The following GREB1 variants were observed in gnomAD, a reference collection of about 807,000 sequenced individuals.
GREB1 encodes growth regulating estrogen receptor binding 1, also known as protein GREB1.
A neutral mutation model predicts 200.7 loss-of-function variants in GREB1; 106 were observed. That is an observed-to-expected ratio of 0.53 (90% CI 0.45 to 0.62). The LOEUF (loss-of-function observed/expected upper bound fraction) is 0.62, where lower values mean the gene tolerates loss of function less well. Among genes scored for constraint, GREB1 ranks in the 20% least tolerant of loss-of-function variants. GREB1 has a pLI of 0.00. For missense variants in GREB1, 2,243 were observed against 2,556.8 expected, an observed-to-expected ratio of 0.88 and a Z score of 2.65; for synonymous variants, 1,132 against 1,092.4, an observed-to-expected ratio of 1.04 and a Z score of -0.72.
chr2:11,585,081 A>G, intron 7 of GREB1, 80 bp from the exon 8 acceptor site: 1 of 685,534 alleles, frequency 1.5e-6, no homozygotes, highest in Middle Eastern at 2.6e-4. Flanking sequence ...AAAACAGATC[A>G]TTGTTCTCCA....
chr2:11,614,002 C>G (rs928469659), intron 19 of GREB1, among the ~76,000 whole-genome samples: 4 of 152,122 alleles, frequency 2.6e-5, no homozygotes, highest in African/African-American at 9.7e-5. Flanking sequence ...GATAGCATTG[C>G]TTGTTGGTGT....
rs1253695582 is a variant in GREB1, at chr2:11,595,322, G to A, written c.1768G>A (p.Glu590Lys). 1 of 1,613,994 alleles carries A rather than the reference G, an allele frequency of 6.2e-7. No individual in the cohort carries two copies. Among genetic ancestry groups the A allele is most frequent in the Admixed American group, 1.7e-5 (1 of 60,012 alleles). Reference protein sequence around the residue: ...PAEYQKEVNYELVTGKVDSLG... With the variant: ...PAEYQKEVNYKLVTGKVDSLG... ...GGAGTACCAGAAGGAAGTCAATTAC[G>A]AGCTGGTTACGGGGAAGGTAGACTC... The change falls in exon 12 of 33, where the codon GAG (glutamate) becomes AAG (lysine). Residue 590 changes from glutamate to lysine, a missense_variant. This residue lies in a region of GREB1 where 1,178 missense variants were observed against 1,387.4 expected (regional missense o/e 0.85). Transcript: ENST00000381486.
intron 9 of GREB1, chr2:11,588,397 C>A: frequency 3.2e-6 from 2 of 625,752 alleles, no homozygotes; most frequent in Non-Finnish European, 4.7e-6. Context: ...GGTGCTCTGC[C>A]CACAAGGTGT....
rs1685797987 is a variant in GREB1 at position 11,641,435 on chromosome 2, T to G, written c.*981T>G. On this transcript the variant is annotated 3_prime_UTR_variant, in exon 33 of 33. Transcript: ENST00000381486. ...AGAAGGAGGCAGGGAGATGTATTTC[T>G]TAGGGCTCACCCCTTCACAGACTGA... is the stretch of plus-strand genomic sequence containing the variant. The G allele has an allele frequency of 6.6e-6, 1 of 151,786 alleles. No homozygotes were observed. Among genetic ancestry groups the G allele is most frequent in the Non-Finnish European group, 1.5e-5 (1 of 68,102 alleles). 9.4% of individuals were successfully genotyped at this position (151,786 alleles called of 1,614,324 possible).
At chr2:11,559,609 T>C (rs1268572491) in intron 2 of GREB1, among the ~76,000 whole-genome samples, 1 of 152,188 alleles carries the variant, frequency 6.6e-6, no homozygotes, top group African/African-American at 2.4e-5. Context: ...ATTTCACTGA[T>C]AGTTGGCATC....
At chr2:11,587,738 CA>C in intron 9 of GREB1, 3 of 1,197,528 alleles carry the variant, frequency 2.5e-6, no homozygotes, top group Non-Finnish European at 3.1e-6. Context: ...CACACACACA[CA>C]CACGCCACCT....
chr2:11,498,927 A>G (rs549485991), intron 1 of GREB1, among the ~76,000 whole-genome samples: 1 of 152,346 alleles, frequency 6.6e-6, no homozygotes, highest in East Asian at 1.9e-4. Flanking sequence ...TGCAGAGAAC[A>G]TGTGGAACTC....
At chr2:11,584,449 G>A (rs1360489931) in intron 7 of GREB1, among the ~76,000 whole-genome samples, 1 of 152,166 alleles carries the variant, frequency 6.6e-6, no homozygotes, top group African/African-American at 2.4e-5. Context: ...CCAAGCGGTG[G>A]AGCTGTGGTG....
rs371146001 is a variant in GREB1, at chr2:11,610,901, G to A, written c.2880G>A (p.Ala960=). Reference sequence around the variant, plus strand: ...TGCGGGTGCCCTGTTCGCCCCTGGCGGTGGTGGCCTATGAGCGGCTGGCCC... The same window carrying A: ...TGCGGGTGCCCTGTTCGCCCCTGGCAGTGGTGGCCTATGAGCGGCTGGCCC... ...VLLRVPCSPL[A]VVAYERLAHV... Residue 960 remains alanine, a synonymous_variant, in exon 18 of 33, where the codon GCG becomes GCA. Transcript: ENST00000381486. The A allele has an allele frequency of 1.8e-5, 29 of 1,612,882 alleles. No homozygotes were observed. The highest frequency in any genetic ancestry group is 6.7e-5 in the African/African-American group (5 of 74,934).
At chr2:11,604,675 G>T (rs1408590024) in intron 17 of GREB1, among the ~76,000 whole-genome samples, 2 of 152,184 alleles carry the variant, frequency 1.3e-5, no homozygotes, top group African/African-American at 2.4e-5. Flanking sequence ...AGAGTGATTT[G>T]CCCGACTTCA....
At position 11,634,215 on chromosome 2, in the gene GREB1, C is replaced by T. The variant is rs1333360587; in HGVS notation, c.5076C>T (p.Ala1692=). 6.2e-7 allele frequency: 1 copy of T among 1,614,110 alleles called. No individual in the cohort carries two copies. Among genetic ancestry groups the T allele is most frequent in the African/African-American group, 1.3e-5 (1 of 74,948 alleles). Residue 1692 remains alanine (A), a synonymous_variant, in exon 29 of 33, where the codon GCC becomes GCT. Transcript: ENST00000381486. ...CGGCCCCCGACATCATGCACTACGC[C>T]CTGCTGGGCCTGCGGAAGTGGTCCA... ...IEAAPDIMHY[A]LLGLRKWSSK... is the part of the protein sequence containing the mutation.
chr2:11,614,798 T>C lies in GREB1; in HGVS notation c.3123-293T>C, dbSNP rs536550140. ...CAGGATGGTCTCGATCTCCTGACCT[T>C]GTGATCCGCCCGCCTCGGCCTCCCA... On this transcript the variant is annotated intron_variant, in intron 19 of 32. Transcript: ENST00000381486. Among the ~76,000 whole-genome samples, 382 of 151,872 alleles carry C rather than the reference T, an allele frequency of 2.5e-3. 1 individual carries two copies. Among genetic ancestry groups the C allele is most frequent in the Non-Finnish European group, 4.2e-3 (284 of 67,940 alleles).
At chr2:11,520,086 C>T (rs1052857162) in intron 1 of GREB1, among the ~76,000 whole-genome samples, 11 of 152,232 alleles carry the variant, frequency 7.2e-5, no homozygotes, top group South Asian at 4.2e-4. Flanking sequence ...TGCAGTGAGC[C>T]GTGATTGTAC....
intron 1 of GREB1, among the ~76,000 whole-genome samples, chr2:11,513,403 G>A (rs1269029066): frequency 6.6e-6 from 1 of 152,128 alleles, no homozygotes; most frequent in South Asian, 2.1e-4. Context: ...CAGGGTCACG[G>A]TAATTAATTT....
At position 11,597,688 on chromosome 2, in the gene GREB1, C is replaced by T. The variant is rs879135649; in HGVS notation, c.1955-93C>T. On this transcript the variant is annotated intron_variant, in intron 13 of 32. Coordinates refer to ENST00000381486, the MANE Select transcript of GREB1 (RefSeq NM_014668.4). This position sits in a 1 kb window ranked among gnomAD's most constrained non-coding sequence, Gnocchi z 4.1. ...CATCGCTTTGTGAATGGGGCCGTCT[C>T]CCCTGGACAGGTCTCACTGATTCTC... 6 of 1,102,942 alleles carry T rather than the reference C, an allele frequency of 5.4e-6. No individual in the cohort carries two copies. The South Asian group carries it at 7.5e-5, about 14-fold the overall frequency. 68.3% of individuals were successfully genotyped at this position (1,102,942 alleles called of 1,614,324 possible). A position where few individuals can be genotyped will look rare whatever the true frequency, so the allele number is the denominator to read the frequency against.
At chr2:11,504,136 T>A (rs916402956) in intron 1 of GREB1, among the ~76,000 whole-genome samples, 1 of 152,214 alleles carries the variant, frequency 6.6e-6, no homozygotes, top group Non-Finnish European at 1.5e-5. Flanking sequence ...TCTGCTGATA[T>A]GAGAACTGAG....
Position 11,633,761 on chromosome 2 carries a change from GC to G in GREB1, c.4992-366del, listed in dbSNP as rs1224923988. ...CCCCCCCAGAAACTCCCTTCCTGCT[GC>G]CCCAGCCCCACCCCTCCTCACTAGC... On this transcript the variant is annotated intron_variant, in intron 28 of 32. Coordinates refer to ENST00000381486, the MANE Select transcript of GREB1 (RefSeq NM_014668.4). This position sits in a 1 kb window ranked among gnomAD's most constrained non-coding sequence, Gnocchi z 4.1. Among the ~76,000 whole-genome samples the G allele has an allele frequency of 1.3e-5, 2 of 151,908 alleles. No homozygotes were observed. The highest frequency in any genetic ancestry group is 4.8e-5 in the African/African-American group (2 of 41,342).
At chr2:11,599,315 C>A (rs534607853) in intron 15 of GREB1, among the ~76,000 whole-genome samples, 1 of 149,902 alleles carries the variant, frequency 6.7e-6, no homozygotes, top group African/African-American at 2.4e-5. Context: ...CGTGGGTCAC[C>A]ACTGATGCCT....
intron 22 of GREB1, 92 bp downstream of exon 22, chr2:11,619,011 C>T (rs954086228): frequency 6.7e-6 from 8 of 1,197,830 alleles, no homozygotes; most frequent in Non-Finnish European, 9.0e-6. Flanking sequence ...ACCGCACCCA[C>T]GTCTTCACTT....
Sources: allele counts gnomAD v4.1 joint callset (sites outside exome capture counted in the v4.1 genomes callset), GRCh38; gene constraint gnomAD v4.1.1; regional missense constraint gnomAD v4.1.1; non-coding constraint Gnocchi (gnomAD v3.1); transcripts MANE v1.5; gene names NCBI Gene and HGNC (gene_info 2026-07-23, HGNC 2026-07-21).